STAU2: variants seen among roughly 807,000 people sequenced by gnomAD.
STAU2 encodes double-stranded RNA-binding protein Staufen homolog 2.
A neutral mutation model predicts 65.9 loss-of-function variants in STAU2; 20 were observed. The observed-to-expected ratio is 0.30, with a 90% confidence interval of 0.21 to 0.44. The LOEUF is 0.44. STAU2 is among the 20% of genes least tolerant of loss of function. The pLI, the probability that STAU2 is intolerant of heterozygous loss-of-function variation, is 1.00. For missense variants in STAU2, 558 were observed against 683.9 expected, an observed-to-expected ratio of 0.82 and a Z score of 2.05; for synonymous variants, 232 against 233.9, an observed-to-expected ratio of 0.99 and a Z score of 0.07.
intron 12 of STAU2, among the ~76,000 whole-genome samples, chr8:73,555,347 T>C (rs1024459890): frequency 1.3e-5 from 2 of 151,838 alleles, no homozygotes; most frequent in Non-Finnish European, 2.9e-5. Context: ...AGAGTCAGAA[T>C]TGCAAATGCA....
intron 3 of STAU2, among the ~76,000 whole-genome samples, chr8:73,719,230 C>T (rs1296229255): frequency 2.6e-5 from 4 of 152,006 alleles, no homozygotes; most frequent in African/African-American, 4.8e-5. Context: ...GGTGAAACCC[C>T]GTCTCTACTA....
chr8:73,511,797 A>C lies in STAU2; in HGVS notation c.1530+40215T>G, dbSNP rs1465862413. 7 of 152,338 alleles carry C rather than the reference A, an allele frequency of 4.6e-5. No homozygotes were observed. The East Asian group carries it at 1.2e-3, about 25-fold the overall frequency. The allele number at this position is 152,338 out of a possible 1,614,324, so 9.4% of individuals were successfully genotyped here. A position where few individuals can be genotyped will look rare whatever the true frequency, so the allele number is the denominator to read the frequency against. On this transcript the variant is annotated intron_variant, in intron 13 of 14. Transcript: ENST00000524300. ...TTACCAATTTCTTCTTGTATGGATC[A>C]TGATTTTGGTGTCATATCTAAGAAC...
intron 6 of STAU2, among the ~76,000 whole-genome samples, chr8:73,649,869 TTATATATATATATATATATATATATA>T (rs55814743): frequency 4.2e-5 from 3 of 71,628 alleles, no homozygotes; most frequent in South Asian, 6.2e-4. Flanking sequence ...CTATATAATT[TTATATATATATATATATATATATATA>T]TATATATATA....
intron 1 of STAU2, chr8:73,742,102 G>A (rs1806926419): frequency 1.9e-6 from 1 of 539,462 alleles, no homozygotes; most frequent in Non-Finnish European, 2.4e-6. Flanking sequence ...AATGTTCACA[G>A]TGGCACGTCT....
At chr8:73,469,559 T>A (rs1432971914) in intron 13 of STAU2, among the ~76,000 whole-genome samples, 1 of 151,980 alleles carries the variant, frequency 6.6e-6, no homozygotes, top group African/African-American at 2.4e-5. Context: ...AGGAGGCCTA[T>A]TCGGCAAAAG....
intron 13 of STAU2, among the ~76,000 whole-genome samples, chr8:73,464,040 G>A (rs1410888237): frequency 6.6e-6 from 1 of 152,160 alleles, no homozygotes; most frequent in Non-Finnish European, 1.5e-5. Flanking sequence ...TTTTGGTAAA[G>A]AATTTGGATT....
intron 4 of STAU2, among the ~76,000 whole-genome samples, chr8:73,705,959 C>A (rs566833993): frequency 6.6e-6 from 1 of 152,104 alleles, no homozygotes; most frequent in East Asian, 1.9e-4. Context: ...TGTGCTTCAC[C>A]CAAGACCGAT....
At chr8:73,636,045 C>T (rs930697608) in intron 6 of STAU2, among the ~76,000 whole-genome samples, 5 of 151,746 alleles carry the variant, frequency 3.3e-5, no homozygotes, top group African/African-American at 1.2e-4. Context: ...CCCCAGCCAA[C>T]TAACTGCCTG....
chr8:73,469,585 A>C (rs966820036), intron 13 of STAU2, among the ~76,000 whole-genome samples: 2 of 150,448 alleles, frequency 1.3e-5, no homozygotes, highest in African/African-American at 5.0e-5. Context: ...TCACTGAATC[A>C]CAACCACTTC....
At chr8:73,745,564 C>A (rs1289571252) in intron 1 of STAU2, among the ~76,000 whole-genome samples, 1 of 152,146 alleles carries the variant, frequency 6.6e-6, no homozygotes, top group African/African-American at 2.4e-5. Context: ...CAAAAGTTCA[C>A]CAAAATTGTG....
chr8:73,622,028 C>G (rs1249061266), intron 6 of STAU2, among the ~76,000 whole-genome samples: 1 of 150,426 alleles, frequency 6.6e-6, no homozygotes, highest in African/African-American at 2.5e-5. Context: ...TAGATCTCGG[C>G]TCCCCGCAAG....
At chr8:73,462,540 C>T (rs1187609920) in intron 13 of STAU2, among the ~76,000 whole-genome samples, 3 of 152,006 alleles carry the variant, frequency 2.0e-5, no homozygotes, top group Non-Finnish European at 4.4e-5. Flanking sequence ...GGACCACAGA[C>T]ATGCACTACT....
Position 73,675,079 on chromosome 8 carries a change from A to G in STAU2, c.275-1837T>C, listed in dbSNP as rs551625705. ...GTCACAGTACATTTAAGAAAATCAA[A>G]ATTATATCAACTACTCTCTCAGACC... On this transcript the variant is annotated intron_variant, in intron 5 of 14. Transcript: ENST00000524300. Among the ~76,000 whole-genome samples the G allele has an allele frequency of 1.1e-3, 168 of 151,800 alleles. 1 individual carries two copies. The highest frequency in any genetic ancestry group is 7.3e-3 in the Admixed American group (111 of 15,218).
intron 13 of STAU2, among the ~76,000 whole-genome samples, chr8:73,424,795 T>C (rs1816675215): frequency 6.6e-6 from 1 of 151,936 alleles, no homozygotes; most frequent in Non-Finnish European, 1.5e-5. Flanking sequence ...TCCTTTCTTT[T>C]TCTTTAGATT....
chr8:73,679,652 T>C (rs1252770290), intron 5 of STAU2, among the ~76,000 whole-genome samples: 2 of 144,802 alleles, frequency 1.4e-5, no homozygotes, highest in Non-Finnish European at 3.0e-5. Context: ...GAGGCCAAGG[T>C]GAGTGGATCG....
chr8:73,661,057 T>C (rs1816796434), intron 6 of STAU2, among the ~76,000 whole-genome samples: 1 of 152,170 alleles, frequency 6.6e-6, no homozygotes, highest in South Asian at 2.1e-4. Context: ...AATTACTTTA[T>C]TAAAACCTGA....
intron 12 of STAU2, among the ~76,000 whole-genome samples, chr8:73,567,566 T>A (rs75760170): frequency 2.0e-5 from 3 of 151,768 alleles, no homozygotes; most frequent in African/African-American, 7.3e-5. Context: ...TTTTTTTTTT[T>A]AAGATGAAGT....
At chr8:73,638,653 T>G (rs1039682995) in intron 6 of STAU2, among the ~76,000 whole-genome samples, 2 of 152,064 alleles carry the variant, frequency 1.3e-5, no homozygotes, top group Non-Finnish European at 2.9e-5. Context: ...CATGCTTACC[T>G]GTTTTTAAAA....
At chr8:73,612,343 A>G (rs1051949834) in intron 9 of STAU2, among the ~76,000 whole-genome samples, 1 of 152,228 alleles carries the variant, frequency 6.6e-6, no homozygotes, top group African/African-American at 2.4e-5. Flanking sequence ...GTCAGTTACT[A>G]TTCCCACTTT....
Sources: allele counts gnomAD v4.1 joint callset (sites outside exome capture counted in the v4.1 genomes callset), GRCh38; gene constraint gnomAD v4.1.1; transcripts MANE v1.5; gene names NCBI Gene and HGNC (gene_info 2026-07-23, HGNC 2026-07-21).